SRRM1: variants seen among roughly 807,000 people sequenced by gnomAD.
The protein encoded by SRRM1 is serine/arginine repetitive matrix protein 1.
A neutral mutation model predicts 110.2 loss-of-function variants in SRRM1; 19 were observed. That is an observed-to-expected ratio of 0.17 (90% confidence interval 0.12 to 0.25). The LOEUF (loss-of-function observed/expected upper bound fraction) is 0.25. Among genes scored for constraint, SRRM1 ranks in the 10% least tolerant of loss-of-function variants. SRRM1 has a pLI of 1.00. For synonymous variants in SRRM1, 443 were observed against 414.9 expected, an observed-to-expected ratio of 1.07 and a Z score of -0.82; for missense variants, 918 against 1,145.8, an observed-to-expected ratio of 0.80 and a Z score of 2.87.
At position 24,667,965 on chromosome 1, in the gene SRRM1, C is replaced by CTTTTTTTTTT. The variant is rs1038405035; in HGVS notation, c.1739+1058_1739+1067dup. Among the ~76,000 whole-genome samples the CTTTTTTTTTT allele has an allele frequency of 1.9e-4, 13 of 68,528 alleles. 4 individuals are homozygous for CTTTTTTTTTT. The highest frequency in any genetic ancestry group is 8.2e-4 in the African/African-American group (12 of 14,550). The allele number at this position is 68,528 out of a possible 152,430, so 45.0% of individuals were successfully genotyped here. ...AGCAATGTAATGACATGCTGCCACT[C>CTTTTTTTTTT]TTTTTTTTTTTTTTTTTTTTTTTTT... On this transcript the variant is annotated intron_variant, in intron 13 of 16. Transcript: ENST00000323848.
chr1:24,666,746 C>T (rs1670189375), intron 12 of SRRM1, 69 bp from the exon 13 acceptor site: 9 of 1,263,390 alleles, frequency 7.1e-6, no homozygotes, highest in Middle Eastern at 2.7e-4. Flanking sequence ...GCCTGGGCGA[C>T]AGAGTGAGAC....
chr1:24,655,512 T>G (rs946874505), intron 9 of SRRM1, among the ~76,000 whole-genome samples: 3 of 151,920 alleles, frequency 2.0e-5, no homozygotes, highest in African/African-American at 7.2e-5. Flanking sequence ...TAAGAGGACT[T>G]CATATTCTCT....
rs1443456211 is a variant in SRRM1 at position 24,662,747 on chromosome 1, C to T, written c.1571C>T (p.Ser524Phe). The T allele has an allele frequency of 1.2e-6, 2 of 1,614,188 alleles. No homozygotes were observed. Among genetic ancestry groups the T allele is most frequent in the South Asian group, 2.2e-5 (2 of 91,080 alleles). Residue 524 changes from serine (S) to phenylalanine (F), a missense_variant, in exon 12 of 17, where the codon TCC becomes TTC. By Grantham distance (155) the Ser-to-Phe change is radical. Coordinates refer to ENST00000323848, the MANE Select transcript of SRRM1 (RefSeq NM_005839.4). ...NGEVGRRRRH[S>F]PSRSASPSPR... is the part of the protein sequence containing the mutation. ...GAGGTTGGCAGGCGGCGGAGACATTCCCCTTCCCGGAGTGCTTCTCCATCA... is the reference window on the plus strand; with the variant it reads ...GAGGTTGGCAGGCGGCGGAGACATTTCCCTTCCCGGAGTGCTTCTCCATCA...
intron 9 of SRRM1, among the ~76,000 whole-genome samples, chr1:24,656,969 T>C (rs1664487330): frequency 2.0e-5 from 3 of 152,156 alleles, no homozygotes; most frequent in Non-Finnish European, 2.9e-5. Context: ...GGGACAGGGC[T>C]TCCGTGTTCA....
In SRRM1 at chr1:24,649,999, A is replaced by G; in HGVS notation, c.434A>G (p.Lys145Arg). 6.3e-7 allele frequency: 1 copy of G among 1,591,532 alleles called. No homozygotes were observed. The highest frequency in any genetic ancestry group is 8.5e-7 in the Non-Finnish European group (1 of 1,170,722). ...GAACAAGAAAAACTGGCATCTATGAAAAAGCAAGATGAAGACAAAGATAAA... is the reference window on the plus strand; with the variant it reads ...GAACAAGAAAAACTGGCATCTATGAGAAAGCAAGATGAAGACAAAGATAAA... ...QIEQEKLASM[K>R]KQDEDKDKRD... The change falls in exon 5 of 17, where the codon AAA (lysine) becomes AGA (arginine). Residue 145 changes from lysine to arginine, a missense_variant. Lys to Arg is a conservative substitution (Grantham distance 26, BLOSUM62 2). Coordinates refer to ENST00000323848, the MANE Select transcript of SRRM1 (RefSeq NM_005839.4).
At chr1:24,665,662 C>T (rs1360583623) in intron 12 of SRRM1, among the ~76,000 whole-genome samples, 1 of 149,738 alleles carries the variant, frequency 6.7e-6, no homozygotes, top group Non-Finnish European at 1.5e-5. Context: ...GCAGTAAGCC[C>T]AGATCGTGCC....
At position 24,652,531 on chromosome 1, in the gene SRRM1, C is replaced by G; in HGVS notation, c.823C>G (p.Arg275Gly). Reference protein sequence around the residue: ...SKKEKEKEKTRPRSRSRSKSR... With the variant: ...SKKEKEKEKTGPRSRSRSKSR... ...AAAAGAAAAGGAGAAGGAGAAGACC[C>G]GACCACGATCTCGGTCACGCTCCAA... The change falls in exon 7 of 17, where the codon CGA becomes GGA. Residue 275 changes from arginine to glycine, a missense_variant. Physicochemically the swap from Arg to Gly is moderately radical, Grantham distance 125. Transcript: ENST00000323848. 4 of 1,613,500 alleles carry G rather than the reference C, an allele frequency of 2.5e-6. No individual in the cohort carries two copies. Among genetic ancestry groups the G allele is most frequent in the Non-Finnish European group, 3.4e-6 (4 of 1,179,762 alleles).
At position 24,651,538 on chromosome 1, in the gene SRRM1, G is replaced by C; in HGVS notation, c.651G>C (p.Lys217Asn). The stretch of plus-strand genomic sequence containing the variant: ...GTCCTTCCCCTGCTCCAGAAAAGAA[G>C]GAAAAAACTCCAGAGCTCCCAGAAC... ...SRSPSPAPEK[K>N]EKTPELPEPS... Residue 217 changes from lysine (K) to asparagine (N), a missense_variant, in exon 6 of 17, where the codon AAG becomes AAC. This residue lies in a region of SRRM1 where 456 missense variants were observed against 453.5 expected (regional missense o/e 1.01). Coordinates refer to ENST00000323848, the MANE Select transcript of SRRM1 (RefSeq NM_005839.4). The C allele has an allele frequency of 6.2e-7, 1 of 1,613,762 alleles. No homozygotes were observed. The highest frequency in any genetic ancestry group is 8.5e-7 in the Non-Finnish European group (1 of 1,179,900).
chr1:24,666,597 A>T (rs533352251), intron 12 of SRRM1: 1 of 420,816 alleles, frequency 2.4e-6, no homozygotes, highest in African/African-American at 2.1e-5. Context: ...CTCCGTCTCT[A>T]CAAAAATATT....
intron 3 of SRRM1, chr1:24,648,603 AC>A (rs1168455683): frequency 3.1e-6 from 1 of 317,600 alleles, no homozygotes; most frequent in African/African-American, 2.1e-5. Context: ...AAAAATACTT[AC>A]GAAATCCACA....
At chr1:24,660,682 T>C in intron 9 of SRRM1, 37 bp from the exon 10 acceptor site, 4 of 1,191,596 alleles carry the variant, frequency 3.4e-6, no homozygotes, top group Non-Finnish European at 4.7e-6. Flanking sequence ...GACCTTTTTT[T>C]GTACGTAAGC....
At position 24,649,903 on chromosome 1, in the gene SRRM1, T is replaced by C. The variant is rs1301038929; in HGVS notation, c.406-68T>C. The C allele has an allele frequency of 1.6e-5, 22 of 1,398,058 alleles. No homozygotes were observed. The Middle Eastern group carries it at 7.8e-4, about 49-fold the overall frequency. The allele number at this position is 1,398,058 out of a possible 1,614,324, so 86.6% of individuals were successfully genotyped here. A position where few individuals can be genotyped will look rare whatever the true frequency, so the allele number is the denominator to read the frequency against. ...TAATAGCATTGGTGTTTAACACACG[T>C]AGAAAGTAGTCTTCAGTTTGTTCTC... On this transcript the variant is annotated intron_variant, in intron 4 of 16. Coordinates refer to ENST00000323848, the MANE Select transcript of SRRM1 (RefSeq NM_005839.4).
intron 1 of SRRM1, chr1:24,643,845 C>CCCTCCCCGCCCCCCAACGT: frequency 6.5e-6 from 1 of 153,646 alleles, no homozygotes; most frequent in Non-Finnish European, 1.4e-5. Context: ...TGAAAAAGCG[C>CCCTCCCCGCCCCCCAACGT]CCTCCCCGCC....
chr1:24,652,216 G>A (rs527325515), intron 6 of SRRM1, among the ~76,000 whole-genome samples: 2 of 150,632 alleles, frequency 1.3e-5, no homozygotes, highest in South Asian at 4.2e-4. Flanking sequence ...GTGAGACCCT[G>A]TCTCAGAAGA....
chr1:24,661,032 G>T, intron 10 of SRRM1: 1 of 535,602 alleles, frequency 1.9e-6, no homozygotes. Context: ...CCGAAATAGG[G>T]ACAGTAGAGG....
intron 9 of SRRM1, 120 bp downstream of exon 9, chr1:24,655,249 C>T: frequency 2.6e-6 from 3 of 1,142,808 alleles, no homozygotes; most frequent in Non-Finnish European, 3.7e-6. Flanking sequence ...GTATCTAATA[C>T]TCTCTGTAGG....
chr1:24,662,949 T>G (rs531331029), intron 12 of SRRM1, 145 bp downstream of exon 12: 3 of 1,217,172 alleles, frequency 2.5e-6, no homozygotes, highest in Middle Eastern at 4.0e-4. Context: ...GTTTCTGTTT[T>G]GTTTTGTTTT....
At chr1:24,643,964 C>G (rs1655602442) in intron 1 of SRRM1, among the ~76,000 whole-genome samples, 1 of 152,130 alleles carries the variant, frequency 6.6e-6, no homozygotes, top group Non-Finnish European at 1.5e-5. Context: ...ACGTAGATAA[C>G]TTGTTGGGAC....
chr1:24,658,016 C>T (rs929198742), intron 9 of SRRM1, among the ~76,000 whole-genome samples: 2 of 152,144 alleles, frequency 1.3e-5, no homozygotes, highest in East Asian at 1.9e-4. Flanking sequence ...TTGCCTTCTA[C>T]GATTTCTGAC....
Sources: gnomAD v4.1 joint callset for allele counts (sites outside exome capture counted in the v4.1 genomes callset) on GRCh38, gnomAD v4.1.1 for gene constraint, gnomAD v4.1.1 regional missense constraint, MANE v1.5 for transcripts, NCBI Gene and HGNC (gene_info 2026-07-23, HGNC 2026-07-21) for gene names.